Variants in SPTAN1 observed in about 807,000 individuals in gnomAD.
SPTAN1 encodes the protein spectrin alpha, non-erythrocytic 1.
SPTAN1 carries 61 observed loss-of-function variants against 331.3 expected under a neutral mutation model. That is an observed-to-expected ratio of 0.18 (90% CI 0.15 to 0.23). The LOEUF (loss-of-function observed/expected upper bound fraction) is 0.23. Ranked by LOEUF, SPTAN1 falls within the 10% of genes least tolerant of loss-of-function variation. The probability of loss-of-function intolerance (pLI) is 1.00; values close to 1 mark genes in which losing one functional copy is unlikely to be tolerated. For synonymous variants in SPTAN1, 1,153 were observed against 1,173.9 expected, an observed-to-expected ratio of 0.98 and a Z score of 0.36; for missense variants, 2,043 against 3,147.9, an observed-to-expected ratio of 0.65 and a Z score of 8.40.
At chr9:128,590,853 TA>T (rs1853399248) in intron 21 of SPTAN1, among the ~76,000 whole-genome samples, 1 of 151,256 alleles carries the variant, frequency 6.6e-6, no homozygotes, top group Non-Finnish European at 1.5e-5. Flanking sequence ...CTGTCTCCAA[TA>T]AAAAAGAGTT....
At chr9:128,554,093 A>G (rs1848405795) in intron 1 of SPTAN1, among the ~76,000 whole-genome samples, 1 of 152,200 alleles carries the variant, frequency 6.6e-6, no homozygotes, top group Non-Finnish European at 1.5e-5. Flanking sequence ...TGCGGAGGAA[A>G]AAAAAAGTGC....
At chr9:128,571,502 T>C (rs1456427811) in intron 3 of SPTAN1, among the ~76,000 whole-genome samples, 1 of 152,266 alleles carries the variant, frequency 6.6e-6, no homozygotes, top group African/African-American at 2.4e-5. Context: ...GGAGAATTGC[T>C]TGAACTCAGG....
At chr9:128,572,140 G>T (rs184824782) in intron 3 of SPTAN1, among the ~76,000 whole-genome samples, 1 of 152,154 alleles carries the variant, frequency 6.6e-6, no homozygotes, top group Non-Finnish European at 1.5e-5. Flanking sequence ...GATTACAGGC[G>T]TGAGCCACTG....
intron 9 of SPTAN1, 85 bp from the exon 10 acceptor site, chr9:128,579,552 A>G: frequency 2.9e-6 from 3 of 1,036,512 alleles, no homozygotes; most frequent in Non-Finnish European, 4.5e-6. Context: ...AGTCTGGCTT[A>G]TAATGCTTAT....
At chr9:128,628,031 G>C (rs763546613) in intron 51 of SPTAN1, 89 bp downstream of exon 51, 1 of 1,536,956 alleles carries the variant, frequency 6.5e-7, no homozygotes, top group South Asian at 1.1e-5. Context: ...AGGATCCCGG[G>C]ATGGGCCTTC....
intron 2 of SPTAN1, among the ~76,000 whole-genome samples, chr9:128,568,054 A>T (rs1850242971): frequency 6.6e-6 from 1 of 152,006 alleles, no homozygotes. Context: ...GAGCCAATGC[A>T]CTCGGCCAAA....
intron 3 of SPTAN1, among the ~76,000 whole-genome samples, chr9:128,573,903 C>T (rs1277643863): frequency 1.3e-5 from 2 of 151,980 alleles, no homozygotes; most frequent in African/African-American, 2.4e-5. Flanking sequence ...TACAGGTGTG[C>T]GCCCCCATAC....
intron 26 of SPTAN1, chr9:128,599,625 C>T (rs964143940): frequency 5.5e-6 from 1 of 182,282 alleles, no homozygotes; most frequent in Non-Finnish European, 1.1e-5. Context: ...CTCAAGCAAT[C>T]CTCCCACCTC....
intron 45 of SPTAN1, among the ~76,000 whole-genome samples, chr9:128,622,432 T>C (rs1858007154): frequency 6.6e-6 from 1 of 151,610 alleles, no homozygotes; most frequent in East Asian, 2.0e-4. Context: ...CCCTAGTAGC[T>C]GGGATTACAG....
chr9:128,632,521 G>GT, intron 54 of SPTAN1, 37 bp downstream of exon 54: 3 of 1,614,162 alleles, frequency 1.9e-6, no homozygotes, highest in African/African-American at 2.7e-5. Flanking sequence ...TGGGTGGGGG[G>GT]TGTTCGGCAG....
In SPTAN1 at chr9:128,633,507, A is replaced by T; in HGVS notation, c.*173A>T. ...CGCTTCCGGTCCAGTCACAATCATC[A>T]TGTCACTGTGGGGACCCAGATCTGT... On this transcript the variant is annotated 3_prime_UTR_variant, in exon 57 of 57. Coordinates refer to ENST00000372739, the MANE Select transcript of SPTAN1 (RefSeq NM_001130438.3). 1 of 1,205,572 alleles carries T rather than the reference A, an allele frequency of 8.3e-7. No homozygotes were observed. The highest frequency in any genetic ancestry group is 1.2e-6 in the Non-Finnish European group (1 of 836,888). The allele number at this position is 1,205,572 out of a possible 1,614,324, so 74.7% of individuals were successfully genotyped here.
rs751291380 is a variant in SPTAN1 at position 128,630,829 on chromosome 9, C to T, written c.6762+454C>T. Among the ~76,000 whole-genome samples, 140 of 152,176 alleles carry T rather than the reference C, an allele frequency of 9.2e-4. 4 individuals carry two copies. Among genetic ancestry groups the T allele is most frequent in the Non-Finnish European group, 3.4e-4 (23 of 68,036 alleles). On this transcript the variant is annotated intron_variant, in intron 52 of 56. Coordinates refer to ENST00000372739, the MANE Select transcript of SPTAN1 (RefSeq NM_001130438.3). ...AAGTGATCCTCCTGCCTCAACCTCC[C>T]AAGTAGCTGGGATTACAGGCGCCCA...
In SPTAN1 at chr9:128,588,600, C is replaced by T. The variant is rs145971007; in HGVS notation, c.2872-209C>T. Among the ~76,000 whole-genome samples, 559 of 152,062 alleles carry T rather than the reference C, an allele frequency of 3.7e-3. 3 individuals are homozygous for T. The highest frequency in any genetic ancestry group is 0.012 in the African/African-American group (517 of 41,456). On this transcript the variant is annotated intron_variant, in intron 20 of 56. Transcript: ENST00000372739. ...TGCTGAGATTACACGTATGAGCCAC[C>T]GTGCCCAGACAAAATGAGATTTTTT...
chr9:128,566,887 T>G lies in SPTAN1; in HGVS notation c.147T>G (p.Phe49Leu). 6.2e-7 allele frequency: 1 copy of G among 1,614,204 alleles called. No homozygotes were observed. Among genetic ancestry groups the G allele is most frequent in the Non-Finnish European group, 8.5e-7 (1 of 1,180,034 alleles). The part of the protein sequence containing the change: ...KLEDSYRFQF[F>L]QRDAEELEKW... ...AAGATTCCTATCGATTCCAGTTCTT[T>G]CAAAGAGATGCTGAAGAGCTGGAGA... The change falls in exon 2 of 57, where the codon TTT becomes TTG. Residue 49 changes from phenylalanine to leucine, a missense_variant. Coordinates refer to ENST00000372739, the MANE Select transcript of SPTAN1 (RefSeq NM_001130438.3).
intron 27 of SPTAN1, among the ~76,000 whole-genome samples, chr9:128,601,732 T>C (rs10739727): frequency 0.96 from 146,011 of 152,214 alleles, 70,323 homozygotes; most frequent in East Asian, 1. Flanking sequence ...AAGCCTCCCC[T>C]CAACAACCTT....
Position 128,632,942 on chromosome 9 carries a change from A to G in SPTAN1, c.7295A>G (p.Glu2432Gly). 6.2e-7 allele frequency: 1 copy of G among 1,612,708 alleles called. No homozygotes were observed. Among genetic ancestry groups the G allele is most frequent in the Non-Finnish European group, 8.5e-7 (1 of 1,180,020 alleles). Residue 2432 changes from glutamate to glycine, a missense_variant, in exon 56 of 57, where the codon GAG becomes GGG. By Grantham distance (98) the Glu-to-Gly change is moderately conservative (BLOSUM62 -2). This residue lies in a region of SPTAN1 where 88 missense variants were observed against 96.5 expected (regional missense o/e 0.91). Coordinates refer to ENST00000372739, the MANE Select transcript of SPTAN1 (RefSeq NM_001130438.3). Reference protein sequence around the residue: ...SSEGKPYVTKEELYQNLTREQ... With the variant: ...SSEGKPYVTKGELYQNLTREQ... ...GAGGGAAAGCCTTACGTGACCAAGG[A>G]GGAGCTCTACCAGGTATGGGCCTCA...
intron 28 of SPTAN1, among the ~76,000 whole-genome samples, chr9:128,604,001 G>A (rs1368556694): frequency 2.6e-5 from 4 of 152,158 alleles, no homozygotes; most frequent in African/African-American, 9.7e-5. Context: ...ATTTCTCCAC[G>A]CAGCTGTGAC....
chr9:128,605,430 A>G lies in SPTAN1; in HGVS notation c.3999A>G (p.Ala1333=). The change falls in exon 31 of 57, where the codon GCA becomes GCG. Residue 1333 remains alanine, a synonymous_variant. Transcript: ENST00000372739. ...GGAAACGTGCAGATCAGCGCAAGGCAAAGTTGGGTGACTCCCACGACCTGC... is the reference window on the plus strand; with the variant it reads ...GGAAACGTGCAGATCAGCGCAAGGCGAAGTTGGGTGACTCCCACGACCTGC... The part of the protein sequence containing the change: ...SLGKRADQRK[A]KLGDSHDLQR... 6.2e-7 allele frequency: 1 copy of G among 1,614,190 alleles called. No individual in the cohort carries two copies. Among genetic ancestry groups the G allele is most frequent in the Non-Finnish European group, 8.5e-7 (1 of 1,180,036 alleles).
rs375195855 is a variant in SPTAN1 at position 128,615,654 on chromosome 9, G to T, written c.5171G>T (p.Ser1724Ile). Residue 1724 changes from serine to isoleucine, a missense_variant, in exon 41 of 57, where the codon AGC becomes ATC. By Grantham distance (142) the Ser-to-Ile change is moderately radical. Coordinates refer to ENST00000372739, the MANE Select transcript of SPTAN1 (RefSeq NM_001130438.3). The stretch of plus-strand genomic sequence containing the variant: ...CAGGATCGCCTGAAGGACCTGAACA[G>T]CCAGGCAGACAGCCTGATGACCAGC... ...AHEDRLKDLN[S>I]QADSLMTSSA... 30 of 1,614,046 alleles carry T rather than the reference G, an allele frequency of 1.9e-5. No individual in the cohort carries two copies. In the African/African-American group the frequency reaches 3.6e-4, roughly 19 times the overall value.
Sources: gnomAD v4.1 joint callset for allele counts (sites outside exome capture counted in the v4.1 genomes callset) on GRCh38, gnomAD v4.1.1 for gene constraint, gnomAD v4.1.1 regional missense constraint, MANE v1.5 for transcripts, NCBI Gene and HGNC (gene_info 2026-07-23, HGNC 2026-07-21) for gene names.